NELL2: variants seen among roughly 807,000 people sequenced by gnomAD.
The protein encoded by NELL2 is protein kinase C-binding protein NELL2.
A neutral mutation model predicts 109.6 loss-of-function variants in NELL2; 41 were observed. The observed-to-expected ratio is 0.37, with a 90% CI of 0.29 to 0.49. The LOEUF (loss-of-function observed/expected upper bound fraction) is 0.49. NELL2 is among the 20% of genes least tolerant of loss of function. The pLI is 0.98. For synonymous variants in NELL2, 355 were observed against 344.7 expected, an observed-to-expected ratio of 1.03 and a Z score of -0.33; for missense variants, 900 against 1,008.3, an observed-to-expected ratio of 0.89 and a Z score of 1.45.
chr12:44,847,680 G>A (rs1944412040), intron 2 of NELL2, among the ~76,000 whole-genome samples: 1 of 151,976 alleles, frequency 6.6e-6, no homozygotes, highest in Admixed American at 6.6e-5. Flanking sequence ...GACTGGAAAG[G>A]GTTGTGAAGA....
intron 9 of NELL2, among the ~76,000 whole-genome samples, chr12:44,722,462 C>A (rs1938831049): frequency 6.6e-6 from 1 of 152,118 alleles, no homozygotes; most frequent in South Asian, 2.1e-4. Flanking sequence ...CACCACACCC[C>A]ACCTAAGAAA....
At chr12:44,704,779 G>C (rs1937762673) in intron 11 of NELL2, among the ~76,000 whole-genome samples, 1 of 152,268 alleles carries the variant, frequency 6.6e-6, no homozygotes, top group East Asian at 1.9e-4. Context: ...AGCACTTTGG[G>C]AGGCTGAAGC....
At chr12:44,583,650 C>A (rs1053885273) in intron 15 of NELL2, among the ~76,000 whole-genome samples, 3 of 152,134 alleles carry the variant, frequency 2.0e-5, no homozygotes, top group Admixed American at 2.0e-4. Context: ...GAGCTTAATT[C>A]TAGAAAAACC....
At chr12:44,581,271 C>T (rs1411518886) in intron 15 of NELL2, among the ~76,000 whole-genome samples, 1 of 152,092 alleles carries the variant, frequency 6.6e-6, no homozygotes, top group Admixed American at 6.5e-5. Flanking sequence ...CAGAGCTCTA[C>T]ATCTTAAAGA....
intron 13 of NELL2, among the ~76,000 whole-genome samples, chr12:44,624,365 T>G (rs993284056): frequency 9.9e-5 from 15 of 152,092 alleles, no homozygotes; most frequent in African/African-American, 3.6e-4. Flanking sequence ...TCTCCCCAAC[T>G]GCAAGTGTAT....
chr12:44,777,775 G>C (rs1941810403), intron 5 of NELL2, among the ~76,000 whole-genome samples: 1 of 152,188 alleles, frequency 6.6e-6, no homozygotes, highest in Non-Finnish European at 1.5e-5. Context: ...TCTCATGAAA[G>C]TGGGATCTTT....
At chr12:44,538,326 T>C (rs995172098) in intron 15 of NELL2, among the ~76,000 whole-genome samples, 9 of 152,160 alleles carry the variant, frequency 5.9e-5, no homozygotes, top group African/African-American at 2.2e-4. Flanking sequence ...CTCTTCATAG[T>C]TTGCTGTTAA....
intron 13 of NELL2, among the ~76,000 whole-genome samples, chr12:44,651,826 T>A (rs992415626): frequency 2.6e-5 from 4 of 152,118 alleles, no homozygotes; most frequent in African/African-American, 9.7e-5. Flanking sequence ...CTAGTATTTA[T>A]CCGAACATGT....
intron 3 of NELL2, among the ~76,000 whole-genome samples, chr12:44,780,876 G>A (rs972676228): frequency 2.0e-5 from 3 of 152,100 alleles, no homozygotes; most frequent in African/African-American, 7.2e-5. Context: ...CCACCTGGCA[G>A]TAACAAGATG....
intron 2 of NELL2, 96 bp downstream of exon 2, chr12:44,875,129 A>C: frequency 6.8e-7 from 1 of 1,474,692 alleles, no homozygotes; most frequent in Non-Finnish European, 9.1e-7. Flanking sequence ...ACTGTCATCC[A>C]TGAGGCAATA....
intron 2 of NELL2, among the ~76,000 whole-genome samples, chr12:44,824,900 C>T (rs1056432106): frequency 5.3e-5 from 8 of 151,476 alleles, no homozygotes; most frequent in Non-Finnish European, 1.0e-4. Context: ...TTAGTAGAGG[C>T]GGGGTTTCAC....
chr12:44,603,524 T>G (rs1945294173), intron 15 of NELL2, among the ~76,000 whole-genome samples: 1 of 152,162 alleles, frequency 6.6e-6, no homozygotes, highest in Non-Finnish European at 1.5e-5. Context: ...GCACATAGCT[T>G]CAGCTTTCTA....
intron 9 of NELL2, among the ~76,000 whole-genome samples, chr12:44,715,939 G>T (rs149950840): frequency 6.6e-6 from 1 of 151,950 alleles, no homozygotes; most frequent in South Asian, 2.1e-4. Context: ...GAAGAAAGTA[G>T]ACATATTTTT....
At chr12:44,685,549 G>T (rs1235536985) in intron 12 of NELL2, among the ~76,000 whole-genome samples, 2 of 152,056 alleles carry the variant, frequency 1.3e-5, no homozygotes, top group Admixed American at 1.3e-4. Context: ...GCAGCAGGTG[G>T]TACTGGTTGT....
intron 3 of NELL2, among the ~76,000 whole-genome samples, chr12:44,786,524 G>C (rs1942177436): frequency 6.6e-6 from 1 of 152,070 alleles, no homozygotes; most frequent in Admixed American, 6.6e-5. Flanking sequence ...TCCCATTACT[G>C]GTTATATACC....
intron 3 of NELL2, among the ~76,000 whole-genome samples, chr12:44,812,959 T>C (rs1224314245): frequency 6.6e-6 from 1 of 152,182 alleles, no homozygotes; most frequent in Admixed American, 6.6e-5. Flanking sequence ...CTTTAAGAAC[T>C]TATCTCTAAG....
At chr12:44,764,759 T>C (rs2136558401) in intron 9 of NELL2, among the ~76,000 whole-genome samples, 1 of 152,212 alleles carries the variant, frequency 6.6e-6, no homozygotes, top group African/African-American at 2.4e-5. Context: ...ACAAGAGCTT[T>C]CACACTTAGA....
intron 2 of NELL2, among the ~76,000 whole-genome samples, chr12:44,847,479 T>C (rs1292315820): frequency 6.6e-6 from 1 of 151,986 alleles, no homozygotes; most frequent in Non-Finnish European, 1.5e-5. Flanking sequence ...TTATAAATTA[T>C]TAATGTGCCT....
chr12:44,587,879 C>T lies in NELL2; in HGVS notation c.1663+19290G>A, dbSNP rs539700956. Among the ~76,000 whole-genome samples the T allele has an allele frequency of 9.2e-5, 14 of 152,204 alleles. No individual in the cohort carries two copies. The East Asian group carries it at 1.5e-3, about 17-fold the overall frequency. On this transcript the variant is annotated intron_variant, in intron 15 of 19. Coordinates refer to ENST00000429094, the MANE Select transcript of NELL2 (RefSeq NM_001145108.2). The stretch of plus-strand genomic sequence containing the variant: ...TATAAAAGTTGGTTTCGGTTGGGCG[C>T]AGTGGCTCACACCTGTAATCCCAGC...
Sources: allele counts gnomAD v4.1 joint callset (sites outside exome capture counted in the v4.1 genomes callset), GRCh38; gene constraint gnomAD v4.1.1; transcripts MANE v1.5; gene names NCBI Gene and HGNC (gene_info 2026-07-23, HGNC 2026-07-21).